The following CACNA1C variants were observed in gnomAD, a reference collection of about 807,000 sequenced individuals.
CACNA1C encodes the protein calcium voltage-gated channel subunit alpha1 C.
In CACNA1C, 30 loss-of-function variants were observed where a neutral mutation model predicts 229.0. That is an observed-to-expected ratio of 0.13 (90% CI 0.10 to 0.18). The LOEUF is 0.18. Ranked by LOEUF, CACNA1C falls within the 10% of genes least tolerant of loss-of-function variation. The pLI is 1.00. For missense variants in CACNA1C, 1,658 were observed against 2,845.0 expected, an observed-to-expected ratio of 0.58 and a Z score of 9.49; for synonymous variants, 1,114 against 1,132.5, an observed-to-expected ratio of 0.98 and a Z score of 0.33.
In CACNA1C at chr12:2,653,716, C is replaced by A. The variant is rs1286185377; in HGVS notation, c.4075-119C>A. The A allele has an allele frequency of 3.0e-5, 25 of 821,872 alleles. No individual in the cohort carries two copies. The highest frequency in any genetic ancestry group is 5.1e-5 in the Non-Finnish European group (25 of 493,110). 50.9% of individuals were successfully genotyped at this position (821,872 alleles called of 1,614,324 possible). A position where few individuals can be genotyped will look rare whatever the true frequency, so the allele number is the denominator to read the frequency against. Reference sequence around the variant, plus strand: ...CCTGTGGGACTCTTGGAAGTGTCCCCCGGCCCAAACCGGGCAATAGCTGAT... The same window carrying A: ...CCTGTGGGACTCTTGGAAGTGTCCCACGGCCCAAACCGGGCAATAGCTGAT... On this transcript the variant is annotated intron_variant, in intron 32 of 46. Coordinates refer to ENST00000399655, the MANE Select transcript of CACNA1C (RefSeq NM_000719.7). This position sits in a 1 kb window ranked among gnomAD's most constrained non-coding sequence, Gnocchi z 4.7.
At position 2,488,942 on chromosome 12, in the gene CACNA1C, C is replaced by T. The variant is rs1401178387; in HGVS notation, c.916+2680C>T. Among the ~76,000 whole-genome samples the T allele has an allele frequency of 2.0e-5, 3 of 152,236 alleles. No individual in the cohort carries two copies. The highest frequency in any genetic ancestry group is 2.9e-5 in the Non-Finnish European group (2 of 68,046). On this transcript the variant is annotated intron_variant, in intron 6 of 46. Coordinates refer to ENST00000399655, the MANE Select transcript of CACNA1C (RefSeq NM_000719.7). This position sits in a 1 kb window ranked among gnomAD's most constrained non-coding sequence, Gnocchi z 4.0. ...CGCTGCTATCAAGCCCTTGTCCACC[C>T]ACAGAGTGGGCAGTGCAGACAAGGA...
Position 2,690,910 on chromosome 12 carries a change from C to A in CACNA1C, c.6128C>A (p.Ser2043Ter). The change falls in exon 47 of 47, where the codon TCA becomes TAA. Residue 2043 changes from serine to a stop codon, truncating the protein, a stop_gained. Transcript: ENST00000399655. LOFTEE classifies it low-confidence loss of function (END_TRUNC). ...ASSLVEAVLI[S>*]EGLGQFAQDP... is the part of the protein sequence containing the mutation. ...ACCCCGCTCCTTCAGGTCTTGATTT[C>A]AGAAGGACTGGGGCAGTTTGCTCAA... The A allele has an allele frequency of 6.4e-7, 1 of 1,574,396 alleles. No individual in the cohort carries two copies. Among genetic ancestry groups the A allele is most frequent in the Admixed American group, 1.8e-5 (1 of 56,222 alleles).
chr12:2,098,309 A>G (rs1595781851), intron 1 of CACNA1C, among the ~76,000 whole-genome samples: 2 of 152,206 alleles, frequency 1.3e-5, no homozygotes, highest in East Asian at 3.8e-4. Context: ...ACTTTTCTAA[A>G]TGAAAGAAGC....
intron 3 of CACNA1C, among the ~76,000 whole-genome samples, chr12:2,262,924 T>G (rs1305601631): frequency 6.6e-6 from 1 of 152,156 alleles, no homozygotes; most frequent in Non-Finnish European, 1.5e-5. Flanking sequence ...AACAGACAAT[T>G]CCTACCTGCA....
At chr12:2,606,860 A>T in intron 25 of CACNA1C, 124 bp from the exon 26 acceptor site, 3 of 1,187,942 alleles carry the variant, frequency 2.5e-6, no homozygotes, top group Non-Finnish European at 3.6e-6. Context: ...AGCTCCTCCC[A>T]TGGCTAGAAC....
intron 34 of CACNA1C, 51 bp downstream of exon 34, chr12:2,655,289 C>T: frequency 8.8e-7 from 1 of 1,132,378 alleles, no homozygotes; most frequent in Admixed American, 1.9e-5. Flanking sequence ...CTGCATGGTG[C>T]CACACTGTGG....
chr12:2,385,283 A>T (rs926200649), intron 3 of CACNA1C, among the ~76,000 whole-genome samples: 3 of 152,040 alleles, frequency 2.0e-5, no homozygotes, highest in African/African-American at 7.2e-5. Flanking sequence ...TCAGATGCAC[A>T]CAGCCAGGTA....
chr12:2,054,892 T>C lies in CACNA1C; in HGVS notation c.49+1281T>C, dbSNP rs952115563. Among the ~76,000 whole-genome samples, 1 of 152,194 alleles carries C rather than the reference T, an allele frequency of 6.6e-6. No homozygotes were observed. Among genetic ancestry groups the C allele is most frequent in the Non-Finnish European group, 1.5e-5 (1 of 68,036 alleles). On this transcript the variant is annotated intron_variant, in intron 1 of 46. Transcript: ENST00000399655. The surrounding 1 kb of genome is among the most constrained non-coding windows in gnomAD (Gnocchi z 5.5). The stretch of plus-strand genomic sequence containing the variant: ...CCTGGTGGAAGGAGTTGTCTCCAGG[T>C]CTTTTTGTCCAGCTTTTTCCCTCTG...
chr12:1,993,413 G>A (rs778055491), intron 1 of CACNA1C: 2 of 1,604,842 alleles, frequency 1.2e-6, no homozygotes, highest in South Asian at 1.1e-5. Flanking sequence ...AAGGAGTCAG[G>A]GGGAAATCAA....
rs370081742 is a variant in CACNA1C at position 2,402,779 on chromosome 12, C to T, written c.478-46197C>T. 2.3e-4 allele frequency among the ~76,000 whole-genome samples: 35 copies of T among 152,328 alleles called. No individual in the cohort carries two copies. In the East Asian group the frequency reaches 4.8e-3, roughly 21 times the overall value. On this transcript the variant is annotated intron_variant, in intron 3 of 46. Transcript: ENST00000399655. ...CCAGTGGGAGCCCTGGTGGTCTGGT[C>T]TCACGGTCAACAGGAAGGTCTGCTG... is the stretch of plus-strand genomic sequence containing the variant.
chr12:2,551,922 A>T (rs911630184), intron 10 of CACNA1C, among the ~76,000 whole-genome samples: 1 of 152,152 alleles, frequency 6.6e-6, no homozygotes, highest in Admixed American at 6.5e-5. Context: ...AGACCACGAG[A>T]TACGGAGGCC....
chr12:2,189,396 C>T (rs750111450), intron 3 of CACNA1C, among the ~76,000 whole-genome samples: 65 of 152,264 alleles, frequency 4.3e-4, no homozygotes, highest in African/African-American at 1.5e-3. Context: ...GAGTGGGATG[C>T]GTACAAGGAG....
chr12:2,667,719 G>A (rs1278663143), intron 37 of CACNA1C, among the ~76,000 whole-genome samples: 1 of 152,206 alleles, frequency 6.6e-6, no homozygotes, highest in African/African-American at 2.4e-5. Flanking sequence ...GCAGGCTGAA[G>A]CCTGGGTGCG....
At chr12:2,106,798 T>A (rs1283041679) in intron 1 of CACNA1C, among the ~76,000 whole-genome samples, 1 of 103,456 alleles carries the variant, frequency 9.7e-6, no homozygotes, top group African/African-American at 4.1e-5. Flanking sequence ...AGCCACTGGG[T>A]GCTCACCCCG....
chr12:2,599,574 A>G lies in CACNA1C; in HGVS notation c.2854-2280A>G, dbSNP rs554775452. Among the ~76,000 whole-genome samples, 8 of 152,284 alleles carry G rather than the reference A, an allele frequency of 5.3e-5. No individual in the cohort carries two copies. In the South Asian group the frequency reaches 1.7e-3, roughly 32 times the overall value. On this transcript the variant is annotated intron_variant, in intron 21 of 46. Transcript: ENST00000399655. The stretch of plus-strand genomic sequence containing the variant: ...AGAGGCAGGGATGGCCCGTGGTTGA[A>G]CAGAGAGCTTTCCTACCCTTCCAGG...
At chr12:2,137,930 C>T (rs375767222) in intron 3 of CACNA1C, among the ~76,000 whole-genome samples, 4 of 151,466 alleles carry the variant, frequency 2.6e-5, no homozygotes, top group South Asian at 2.1e-4. Context: ...GGAGCCGACA[C>T]ATCGCCTCAC....
chr12:2,052,893 C>CCGGG (rs530020760), upstream of CACNA1C: 44,282 of 733,466 alleles, frequency 0.06, 1,619 homozygotes, highest in African/African-American at 0.087. Flanking sequence ...CTCCGGCGCG[C>CCGGG]CGGGCGGGCG....
chr12:2,450,794 C>T (rs1229443321), intron 4 of CACNA1C, among the ~76,000 whole-genome samples: 1 of 152,078 alleles, frequency 6.6e-6, no homozygotes, highest in Non-Finnish European at 1.5e-5. Context: ...CTCTTTATCC[C>T]AGAGGCCTAT....
intron 11 of CACNA1C, among the ~76,000 whole-genome samples, chr12:2,559,883 G>A (rs1011616134): frequency 2.0e-5 from 3 of 152,114 alleles, no homozygotes; most frequent in African/African-American, 7.2e-5. Flanking sequence ...CTAGTAGGCA[G>A]GTTAAAAAAT....
Sources: allele counts gnomAD v4.1 joint callset (sites outside exome capture counted in the v4.1 genomes callset), GRCh38; gene constraint gnomAD v4.1.1; non-coding constraint Gnocchi (gnomAD v3.1); transcripts MANE v1.5; gene names NCBI Gene and HGNC (gene_info 2026-07-23, HGNC 2026-07-21).